The following POLD1 variants were observed in gnomAD, a reference collection of about 807,000 sequenced individuals.
The protein encoded by POLD1 is DNA polymerase delta 1, catalytic subunit.
In POLD1, 79 loss-of-function variants were observed where a neutral mutation model predicts 129.7. The ratio of observed to expected loss-of-function variants is 0.61; its 90% CI spans 0.51 to 0.73. The LOEUF (loss-of-function observed/expected upper bound fraction) is 0.73. POLD1 is among the 30% of genes least tolerant of loss of function. The probability of loss-of-function intolerance (pLI) is 0.00; values close to 1 mark genes in which losing one functional copy is unlikely to be tolerated. For missense variants in POLD1, 1,338 were observed against 1,595.8 expected (o/e 0.84, Z 2.75); for synonymous variants, 714 against 683.3 (o/e 1.04, Z -0.70).
At chr19:50,384,444 GC>G (rs931571917) in intron 1 of POLD1, 54 bp downstream of exon 1, 4 of 152,762 alleles carry the variant, frequency 2.6e-5, no homozygotes, top group African/African-American at 9.6e-5. Context: ...AGGGAACGGG[GC>G]TTGAGCAGCC....
At chr19:50,399,098 CT>C (rs2122199008) in intron 2 of POLD1, 45 bp downstream of exon 2, 3 of 1,550,288 alleles carry the variant, frequency 1.9e-6, no homozygotes, top group Non-Finnish European at 1.7e-6. Flanking sequence ...CCCATTGCCC[CT>C]GGTCTTGCCT....
In POLD1 at chr19:50,413,836, T is replaced by C. The variant is rs1060501846; in HGVS notation, c.2345T>C (p.Val782Ala). ...CTGGGGCGGGAGGCCGCGGACTGGG[T>C]GTCAGGTCACTTCCCGTCGCCCATC... ...MALGREAADWVSGHFPSPIRL... is the reference protein window; with the variant it reads ...MALGREAADWASGHFPSPIRL... The change falls in exon 19 of 27, where the codon GTG becomes GCG. Residue 782 changes from valine (V) to alanine (A), a missense_variant. By Grantham distance (64) the Val-to-Ala change is moderately conservative. Coordinates refer to ENST00000440232, the MANE Select transcript of POLD1 (RefSeq NM_002691.4). 6.2e-7 allele frequency: 1 copy of C among 1,611,690 alleles called. No homozygotes were observed. The highest frequency in any genetic ancestry group is 8.5e-7 in the Non-Finnish European group (1 of 1,179,058).
At position 50,415,838 on chromosome 19, in the gene POLD1, C is replaced by G; in HGVS notation, c.2820+12C>G. Reference sequence around the variant, plus strand: ...ACATGAAGTCGGAGGTCAGGCCCACCTGGCTGCCTGCTCCCGCCCAGCCCC... The same window carrying G: ...ACATGAAGTCGGAGGTCAGGCCCACGTGGCTGCCTGCTCCCGCCCAGCCCC... On this transcript the variant is annotated intron_variant, in intron 22 of 26. Coordinates refer to ENST00000440232, the MANE Select transcript of POLD1 (RefSeq NM_002691.4). 3 of 1,464,020 alleles carry G rather than the reference C, an allele frequency of 2.0e-6. No individual in the cohort carries two copies. Among genetic ancestry groups the G allele is most frequent in the Non-Finnish European group, 2.7e-6 (3 of 1,097,382 alleles). The allele number at this position is 1,464,020 out of a possible 1,614,324, so 90.7% of individuals were successfully genotyped here. A position where few individuals can be genotyped will look rare whatever the true frequency, so the allele number is the denominator to read the frequency against.
chr19:50,387,134 C>G (rs189266201), intron 1 of POLD1, among the ~76,000 whole-genome samples: 21 of 152,148 alleles, frequency 1.4e-4, no homozygotes, highest in Admixed American at 5.2e-4. Context: ...TGAGACCAGT[C>G]TGGCAGACAT....
chr19:50,408,998 T>C, intron 15 of POLD1, 97 bp downstream of exon 15: 1 of 1,373,340 alleles, frequency 7.3e-7, no homozygotes, highest in Non-Finnish European at 1.0e-6. Context: ...GGCCCAGAGA[T>C]AGTAGGGAGT....
rs1410415830 is a variant in POLD1 at position 50,416,624 on chromosome 19, C to T, written c.2968C>T (p.Arg990Cys). The T allele has an allele frequency of 1.9e-6, 3 of 1,563,762 alleles. No homozygotes were observed. Among genetic ancestry groups the T allele is most frequent in the South Asian group, 1.2e-5 (1 of 85,536 alleles). Reference sequence around the variant, plus strand: ...CTCTCCTGCAGGGGGGGACCACACGCGCTGCAAGACGGTGCTCACGGGCAA... The same window carrying T: ...CTCTCCTGCAGGGGGGGACCACACGTGCTGCAAGACGGTGCTCACGGGCAA... ...EAVLLRGDHTRCKTVLTGKVG... is the reference protein window; with the variant it reads ...EAVLLRGDHTCCKTVLTGKVG... The change falls in exon 24 of 27, where the codon CGC becomes TGC. Residue 990 changes from arginine (R) to cysteine (C), a missense_variant. Arg to Cys is a radical substitution (Grantham distance 180). Transcript: ENST00000440232.
chr19:50,398,030 A>G (rs2038434130), intron 1 of POLD1, among the ~76,000 whole-genome samples: 1 of 152,220 alleles, frequency 6.6e-6, no homozygotes, highest in African/African-American at 2.4e-5. Flanking sequence ...AAAAGAAGTA[A>G]CAATATGATG....
chr19:50,400,655 C>T (rs974564609), intron 3 of POLD1, among the ~76,000 whole-genome samples: 5 of 150,038 alleles, frequency 3.3e-5, no homozygotes, highest in East Asian at 2.0e-4. Context: ...ACCTCAGCCT[C>T]GGAGTAGCTA....
chr19:50,417,924 C>T lies in POLD1; in HGVS notation c.3301C>T (p.Pro1101Ser), dbSNP rs142223599. 6.2e-6 allele frequency: 10 copies of T among 1,608,982 alleles called. No homozygotes were observed. In the African/African-American group the frequency reaches 1.2e-4, roughly 19 times the overall value. The change falls in exon 27 of 27, where the codon CCC (proline) becomes TCC (serine). Residue 1101 changes from proline to serine, a missense_variant. Pro to Ser is a moderately conservative substitution (Grantham distance 74, BLOSUM62 -1). This residue lies in a region of POLD1 where 286 missense variants were observed against 277.5 expected (regional missense o/e 1.03). Transcript: ENST00000440232. The part of the protein sequence containing the change: ...DQEQLLRRFG[P>S]PGPEAW ...GGAGCAGCTCCTGCGGCGCTTCGGA[C>T]CCCCTGGACCTGAGGCCTGGTGACC...
intron 26 of POLD1, among the ~76,000 whole-genome samples, chr19:50,417,500 C>T (rs1200502257): frequency 6.6e-6 from 1 of 152,164 alleles, no homozygotes; most frequent in Non-Finnish European, 1.5e-5. Context: ...CCCAGTGTTG[C>T]CCGGGAAACG....
In POLD1 at chr19:50,406,340, G is replaced by A. The variant is rs1057523943; in HGVS notation, c.1383+18G>A. On this transcript the variant is annotated intron_variant, in intron 11 of 26. Transcript: ENST00000440232. This position sits in a 1 kb window ranked among gnomAD's most constrained non-coding sequence, Gnocchi z 5.5. ...TGCTGCAGGTATGGGCGGGAGGTGG[G>A]GTGTGTCCCTGTCCTTGGAAGGCCA... 1.2e-6 allele frequency: 2 copies of A among 1,613,048 alleles called. No individual in the cohort carries two copies. The highest frequency in any genetic ancestry group is 1.3e-5 in the African/African-American group (1 of 74,864).
rs1568642995 is a variant in POLD1, at chr19:50,417,685, CCCCCCG to C, written c.3219-156_3219-151del. Among the ~76,000 whole-genome samples, 1,323 of 142,508 alleles carry C rather than the reference CCCCCCG, an allele frequency of 9.3e-3. 42 individuals are homozygous for C. The highest frequency in any genetic ancestry group is 0.034 in the African/African-American group (1,270 of 37,210). The allele number at this position is 142,508 out of a possible 152,430, so 93.5% of individuals were successfully genotyped here. ...CTGTTATCGGCTCCCCCCCCCCACC[CCCCCCG>C]TGCCTGCTGAGCAAACAGCCCGCTG... On this transcript the variant is annotated intron_variant, in intron 26 of 26. Transcript: ENST00000440232.
rs1338085670 is a variant in POLD1 at position 50,409,056 on chromosome 19, C to T, written c.1893-66C>T. 14 of 1,377,760 alleles carry T rather than the reference C, an allele frequency of 1.0e-5. No homozygotes were observed. In the Admixed American group the frequency reaches 1.5e-4, roughly 15 times the overall value. The allele number at this position is 1,377,760 out of a possible 1,614,324, so 85.3% of individuals were successfully genotyped here. A position where few individuals can be genotyped will look rare whatever the true frequency, so the allele number is the denominator to read the frequency against. ...CGTGTGCTCATGGCCAAGGCCAGGA[C>T]CGTAGGGCAGAGGTGGGCTGGAGCA... is the stretch of plus-strand genomic sequence containing the variant. On this transcript the variant is annotated intron_variant, in intron 15 of 26. Transcript: ENST00000440232. The surrounding 1 kb of genome is among the most constrained non-coding windows in gnomAD (Gnocchi z 5.8).
In POLD1 at chr19:50,415,497, G is replaced by T. The variant is rs754832710; in HGVS notation, c.2624G>T (p.Arg875Leu). The change falls in exon 21 of 27, where the codon CGC (arginine) becomes CTC (leucine). Residue 875 changes from arginine to leucine, a missense_variant. Around this residue, in one of 3 missense-constraint regions of POLD1, gnomAD observed 720 missense variants for 1,002.6 expected, o/e 0.72. Coordinates refer to ENST00000440232, the MANE Select transcript of POLD1 (RefSeq NM_002691.4). ...GTCATCTCGGACCTGCTGTGCAACC[G>T]CATCGATATCTCCCAGCTGGTCATC... is the stretch of plus-strand genomic sequence containing the variant. The part of the protein sequence containing the change: ...QDVISDLLCN[R>L]IDISQLVITK... The T allele has an allele frequency of 6.2e-7, 1 of 1,613,218 alleles. No homozygotes were observed. Among genetic ancestry groups the T allele is most frequent in the Non-Finnish European group, 8.5e-7 (1 of 1,179,934 alleles).
chr19:50,417,285 C>G lies in POLD1; in HGVS notation c.3218+16C>G. On this transcript the variant is annotated intron_variant, in intron 26 of 26. Coordinates refer to ENST00000440232, the MANE Select transcript of POLD1 (RefSeq NM_002691.4). ...TCTGCACCAGGTGTGTGCCATGTCCCGACCCTGGGCTGCCCCGCCCCTTCC... is the reference window on the plus strand; with the variant it reads ...TCTGCACCAGGTGTGTGCCATGTCCGGACCCTGGGCTGCCCCGCCCCTTCC... The G allele has an allele frequency of 1.3e-6, 2 of 1,543,454 alleles. No individual in the cohort carries two copies. The highest frequency in any genetic ancestry group is 8.8e-7 in the Non-Finnish European group (1 of 1,140,130).
Position 50,406,233 on chromosome 19 carries a change from C to G in POLD1, c.1294C>G (p.Arg432Gly), listed in dbSNP as rs774130423. ...GRVAGLCSNI[R>G]DSSFQSKQTG... ...TGTGGCCGGCCTTTGCTCCAACATC[C>G]GGGACTCTTCATTCCAGTCCAAGCA... is the stretch of plus-strand genomic sequence containing the variant. The change falls in exon 11 of 27, where the codon CGG becomes GGG. Residue 432 changes from arginine to glycine, a missense_variant. Around this residue, in one of 3 missense-constraint regions of POLD1, gnomAD observed 720 missense variants for 1,002.6 expected, o/e 0.72. Transcript: ENST00000440232. This position sits in a 1 kb window ranked among gnomAD's most constrained non-coding sequence, Gnocchi z 5.5. 1.2e-6 allele frequency: 2 copies of G among 1,613,898 alleles called. No homozygotes were observed. Among genetic ancestry groups the G allele is most frequent in the Non-Finnish European group, 1.7e-6 (2 of 1,179,978 alleles).
intron 13 of POLD1, 61 bp downstream of exon 13, chr19:50,407,235 G>A (rs2038928964): frequency 5.1e-6 from 8 of 1,556,206 alleles, no homozygotes; most frequent in South Asian, 1.1e-5. Flanking sequence ...CCCCCTCCAG[G>A]CAATGGCATC....
chr19:50,392,265 A>G (rs1202023037), intron 1 of POLD1, among the ~76,000 whole-genome samples: 1 of 151,538 alleles, frequency 6.6e-6, no homozygotes, highest in Admixed American at 6.6e-5. Flanking sequence ...AGATTGACTA[A>G]TTTTTAATTT....
chr19:50,403,274 G>A (rs547757672), intron 9 of POLD1, 55 bp downstream of exon 9: 17 of 1,480,490 alleles, frequency 1.1e-5, no homozygotes, highest in South Asian at 7.9e-5. Flanking sequence ...CAGCCTCCGC[G>A]TCCTGAGCCA....
Sources: allele counts gnomAD v4.1 joint callset (sites outside exome capture counted in the v4.1 genomes callset), GRCh38; gene constraint gnomAD v4.1.1; regional missense constraint gnomAD v4.1.1; non-coding constraint Gnocchi (gnomAD v3.1); transcripts MANE v1.5; gene names NCBI Gene and HGNC (gene_info 2026-07-23, HGNC 2026-07-21).